The following POLN variants were observed in gnomAD, a reference collection of about 807,000 sequenced individuals.
The protein encoded by POLN is DNA polymerase N.
In POLN, 108 loss-of-function variants were observed where a neutral mutation model predicts 113.5. That is an observed-to-expected ratio of 0.95 (90% CI 0.81 to 1.12). The LOEUF (loss-of-function observed/expected upper bound fraction) is 1.12. POLN is among the 50% of genes most tolerant of loss of function. The pLI, the probability that POLN is intolerant of heterozygous loss-of-function variation, is 0.00. For synonymous variants in POLN, 386 were observed against 391.5 expected, an observed-to-expected ratio of 0.99 and a Z score of 0.17; for missense variants, 1,097 against 1,077.1, an observed-to-expected ratio of 1.02 and a Z score of -0.26.
In POLN at chr4:2,072,199, G is replaced by C. The variant is rs1339874073; in HGVS notation, c.2618C>G (p.Ser873Cys). 6 of 1,610,324 alleles carry C rather than the reference G, an allele frequency of 3.7e-6. No homozygotes were observed. The highest frequency in any genetic ancestry group is 4.2e-6 in the Non-Finnish European group (5 of 1,178,172). ...GPPPGPCRTE[S>C]PSNSLAAPGS... Reference sequence around the variant, plus strand: ...AGGGGCAGCCAGGCTGTTGCTGGGAGACTCAGTGCGACATGGGCCTGGCGG... The same window carrying C: ...AGGGGCAGCCAGGCTGTTGCTGGGACACTCAGTGCGACATGGGCCTGGCGG... Residue 873 changes from serine to cysteine, a missense_variant, in exon 26 of 26, where the codon TCT becomes TGT. Physicochemically the swap from Ser to Cys is moderately radical, Grantham distance 112. Transcript: ENST00000511885.
intron 3 of POLN, among the ~76,000 whole-genome samples, chr4:2,218,924 A>C (rs1212114530): frequency 2.0e-5 from 3 of 152,138 alleles, no homozygotes; most frequent in Non-Finnish European, 4.4e-5. Context: ...GACAGGGACC[A>C]CCCTGTGCCC....
At chr4:2,129,056 CAAAAAAAAA>C in intron 18 of POLN, 114 bp downstream of exon 18, 1 of 280,444 alleles carries the variant, frequency 3.6e-6, no homozygotes, top group South Asian at 3.5e-5. Context: ...ACTCTTGTCT[CAAAAAAAAA>C]AAAAAAAAAA....
intron 16 of POLN, among the ~76,000 whole-genome samples, chr4:2,146,334 C>T (rs1349973514): frequency 8.9e-6 from 1 of 112,230 alleles, no homozygotes; most frequent in South Asian, 3.5e-4. Flanking sequence ...GACGAAACTC[C>T]GTTTCTACTA....
intron 7 of POLN, among the ~76,000 whole-genome samples, chr4:2,182,825 TA>T (rs75222248): frequency 0.26 from 37,090 of 144,020 alleles, 7,033 homozygotes; most frequent in African/African-American, 0.53. Context: ...CGGATTTCCT[TA>T]AAAAAAAAAA....
At chr4:2,231,126 T>C (rs1263888610) in intron 2 of POLN, 2 of 152,184 alleles carry the variant, frequency 1.3e-5, no homozygotes, top group Non-Finnish European at 2.9e-5. Context: ...GAAGTCCTAA[T>C]ACTCTGTGGT....
At chr4:2,159,937 C>T (rs1371030559) in intron 13 of POLN, among the ~76,000 whole-genome samples, 1 of 152,144 alleles carries the variant, frequency 6.6e-6, no homozygotes, top group Non-Finnish European at 1.5e-5. Flanking sequence ...ATGAATAATG[C>T]TGGTACAGAG....
chr4:2,242,088 GC>G lies in POLN; in HGVS notation c.-322del, dbSNP rs946576202. 1.0e-6 allele frequency: 1 copy of G among 985,786 alleles called. No individual in the cohort carries two copies. Among genetic ancestry groups the G allele is most frequent in the African/African-American group, 1.7e-5 (1 of 57,256 alleles). 61.1% of individuals were successfully genotyped at this position (985,786 alleles called of 1,614,324 possible). A position where few individuals can be genotyped will look rare whatever the true frequency, so the allele number is the denominator to read the frequency against. On this transcript the variant is annotated 5_prime_UTR_variant, in exon 1 of 26. Transcript: ENST00000511885. ...CGCTTGCTTCTCGCAGGAGCCCGCC[GC>G]CACCGCCCTCCGTGCCCCGCGCGCC...
intron 19 of POLN, among the ~76,000 whole-genome samples, chr4:2,119,749 C>A (rs1409854756): frequency 6.6e-6 from 1 of 151,838 alleles, no homozygotes; most frequent in Non-Finnish European, 1.5e-5. Flanking sequence ...GCTTTTTTAC[C>A]ACATGCTATT....
At chr4:2,088,378 A>G (rs547178912) in intron 20 of POLN, among the ~76,000 whole-genome samples, 10 of 152,342 alleles carry the variant, frequency 6.6e-5, no homozygotes, top group Non-Finnish European at 1.2e-4. Flanking sequence ...GCACAAAAAT[A>G]TCTCATAGAA....
At chr4:2,159,890 T>C (rs578246117) in intron 13 of POLN, among the ~76,000 whole-genome samples, 1 of 141,024 alleles carries the variant, frequency 7.1e-6, no homozygotes, top group African/African-American at 3.2e-5. Flanking sequence ...CATTCCACCT[T>C]TGATGGATAT....
intron 16 of POLN, among the ~76,000 whole-genome samples, chr4:2,143,082 T>C (rs1732043868): frequency 1.3e-5 from 2 of 151,924 alleles, no homozygotes; most frequent in African/African-American, 4.8e-5. Flanking sequence ...GATAGAGCAG[T>C]GCTGAGAGGA....
At chr4:2,240,438 G>A in intron 2 of POLN, 2 of 1,613,894 alleles carry the variant, frequency 1.2e-6, no homozygotes, top group Non-Finnish European at 1.7e-6. Context: ...AACTTCATCA[G>A]TAAGAGCCTG....
chr4:2,174,993 T>A (rs972488150), intron 9 of POLN, among the ~76,000 whole-genome samples: 2 of 152,168 alleles, frequency 1.3e-5, no homozygotes, highest in African/African-American at 2.4e-5. Flanking sequence ...AGGCTAATTT[T>A]AAAAATTTTT....
intron 5 of POLN, among the ~76,000 whole-genome samples, chr4:2,207,172 C>G (rs979605952): frequency 2.0e-5 from 3 of 152,094 alleles, no homozygotes; most frequent in Non-Finnish European, 4.4e-5. Flanking sequence ...ATTGTATGTT[C>G]TTACTTATAG....
chr4:2,128,907 T>C (rs2108724791), intron 18 of POLN, among the ~76,000 whole-genome samples: 1 of 151,764 alleles, frequency 6.6e-6, no homozygotes, highest in African/African-American at 2.4e-5. Context: ...ATACAAAAAC[T>C]AGCCAGGCAT....
At chr4:2,148,844 A>G (rs1000159202) in intron 16 of POLN, among the ~76,000 whole-genome samples, 3 of 152,212 alleles carry the variant, frequency 2.0e-5, no homozygotes, top group African/African-American at 7.2e-5. Flanking sequence ...AAGAAAAAAG[A>G]CACATTATGT....
chr4:2,233,637 C>T (rs1033268122), intron 2 of POLN, among the ~76,000 whole-genome samples: 1 of 152,132 alleles, frequency 6.6e-6, no homozygotes, highest in Non-Finnish European at 1.5e-5. Context: ...TAGAACTACC[C>T]TAACCATTTA....
intron 4 of POLN, among the ~76,000 whole-genome samples, chr4:2,210,778 G>A (rs867330931): frequency 4.7e-5 from 7 of 149,648 alleles, no homozygotes; most frequent in South Asian, 2.1e-4. Context: ...AAAATTAGCC[G>A]GGCATGATGG....
At chr4:2,129,103 T>C in intron 18 of POLN, 76 bp downstream of exon 18, 4 of 818,684 alleles carry the variant, frequency 4.9e-6, no homozygotes, top group Admixed American at 4.8e-5. Flanking sequence ...ATGAATTCCA[T>C]AAGTACCTTT....
Sources: gnomAD v4.1 joint callset for allele counts (sites outside exome capture counted in the v4.1 genomes callset) on GRCh38, gnomAD v4.1.1 for gene constraint, MANE v1.5 for transcripts, NCBI Gene and HGNC (gene_info 2026-07-23, HGNC 2026-07-21) for gene names.